The following SPIDR variants were observed in gnomAD, a reference collection of about 807,000 sequenced individuals.
SPIDR encodes the protein DNA repair-scaffolding protein.
SPIDR carries 93 observed loss-of-function variants against 104.6 expected under a neutral mutation model. That is an observed-to-expected ratio of 0.89 (90% CI 0.75 to 1.06). The LOEUF is 1.06. Among genes scored for constraint, SPIDR ranks in the 50% least tolerant of loss-of-function variants. The probability of loss-of-function intolerance (pLI) is 0.00; values close to 1 mark genes in which losing one functional copy is unlikely to be tolerated. For missense variants in SPIDR, 1,154 were observed against 1,111.2 expected (o/e 1.04, Z -0.55); for synonymous variants, 431 against 416.9 (o/e 1.03, Z -0.41).
chr8:47,575,226 C>T (rs1057262768), intron 8 of SPIDR, among the ~76,000 whole-genome samples: 5 of 152,162 alleles, frequency 3.3e-5, no homozygotes, highest in African/African-American at 4.8e-5. Context: ...AGGTGGTCCC[C>T]ACCATTCAGG....
chr8:47,623,856 G>T (rs1293909465), intron 10 of SPIDR, among the ~76,000 whole-genome samples: 3 of 152,138 alleles, frequency 2.0e-5, no homozygotes, highest in Non-Finnish European at 2.9e-5. Context: ...GGATATTCAG[G>T]AATTGAACTC....
intron 14 of SPIDR, among the ~76,000 whole-genome samples, chr8:47,705,071 C>T (rs2080883893): frequency 6.6e-6 from 1 of 152,154 alleles, no homozygotes; most frequent in African/African-American, 2.4e-5. Context: ...GTGGCAGTTG[C>T]AGCTAACACT....
chr8:47,667,770 T>C (rs1589010715), intron 10 of SPIDR: 2 of 152,282 alleles, frequency 1.3e-5, no homozygotes, highest in African/African-American at 4.8e-5. Context: ...GAAACATATA[T>C]GTGCTCACTT....
At chr8:47,294,173 T>A (rs2040426164) in intron 5 of SPIDR, 143 bp downstream of exon 5, 1 of 1,005,700 alleles carries the variant, frequency 9.9e-7, no homozygotes. Flanking sequence ...TGTTCTTTAC[T>A]CACTTATCTC....
chr8:47,589,022 G>GTTTTTTTTTTTTTTTTTTTTT (rs1168001066), intron 8 of SPIDR, among the ~76,000 whole-genome samples: 9 of 89,056 alleles, frequency 1.0e-4, no homozygotes, highest in Non-Finnish European at 1.4e-4. Context: ...TTTATAGTTT[G>GTTTTTTTTTTTTTTTTTTTTT]TTTTTTTTTT....
Position 47,713,638 on chromosome 8 carries a change from C to G in SPIDR, c.2338C>G (p.Gln780Glu), listed in dbSNP as rs200319364. The G allele has an allele frequency of 1.2e-6, 2 of 1,614,018 alleles. No homozygotes were observed. Among genetic ancestry groups the G allele is most frequent in the East Asian group, 2.2e-5 (1 of 44,886 alleles). Residue 780 changes from glutamine to glutamate, a missense_variant, in exon 16 of 20, where the codon CAA becomes GAA. Physicochemically the swap from Gln to Glu is conservative, Grantham distance 29. Coordinates refer to ENST00000297423, the MANE Select transcript of SPIDR (RefSeq NM_001080394.4). Reference protein sequence around the residue: ...ATPVNSICSVQGTVVGVDEST... With the variant: ...ATPVNSICSVEGTVVGVDEST... ...ACCTGTCAACTCCATCTGCAGTGTT[C>G]AAGGTAGGCAGCCATCTCACAGGAA...
intron 8 of SPIDR, among the ~76,000 whole-genome samples, chr8:47,481,194 A>T (rs570579658): frequency 6.6e-6 from 1 of 152,236 alleles, no homozygotes; most frequent in Non-Finnish European, 1.5e-5. Flanking sequence ...TATGACTGCT[A>T]TAAGGTGTAA....
At chr8:47,655,050 A>G (rs2072475597) in intron 10 of SPIDR, among the ~76,000 whole-genome samples, 1 of 152,216 alleles carries the variant, frequency 6.6e-6, no homozygotes, top group Non-Finnish European at 1.5e-5. Flanking sequence ...TACAAAGGAC[A>G]TAAACTCATC....
intron 8 of SPIDR, among the ~76,000 whole-genome samples, chr8:47,451,089 A>G (rs536130062): frequency 5.3e-5 from 8 of 152,246 alleles, no homozygotes; most frequent in Non-Finnish European, 1.2e-4. Context: ...AAATTGAGAT[A>G]TTGGAATTAT....
At chr8:47,465,673 T>C (rs1460756623) in intron 8 of SPIDR, among the ~76,000 whole-genome samples, 2 of 150,210 alleles carry the variant, frequency 1.3e-5, no homozygotes, top group Non-Finnish European at 3.0e-5. Context: ...GAGATGGAGG[T>C]TGCGCTGAGC....
chr8:47,393,929 T>C (rs1369683870), intron 5 of SPIDR, among the ~76,000 whole-genome samples: 2 of 151,300 alleles, frequency 1.3e-5, no homozygotes, highest in African/African-American at 4.9e-5. Context: ...CTGCTTCCTT[T>C]CTTCTCACTC....
chr8:47,355,711 G>T (rs2054406078), intron 5 of SPIDR, among the ~76,000 whole-genome samples: 1 of 152,114 alleles, frequency 6.6e-6, no homozygotes, highest in Non-Finnish European at 1.5e-5. Flanking sequence ...AAGTTCGAAT[G>T]GAAGTTACAT....
At chr8:47,642,004 G>A (rs1366835605) in intron 10 of SPIDR, among the ~76,000 whole-genome samples, 3 of 152,184 alleles carry the variant, frequency 2.0e-5, no homozygotes, top group Non-Finnish European at 4.4e-5. Flanking sequence ...TGGTATTCCA[G>A]CCAGAGTGGA....
At chr8:47,605,745 C>A (rs1394914596) in intron 10 of SPIDR, among the ~76,000 whole-genome samples, 3 of 152,136 alleles carry the variant, frequency 2.0e-5, no homozygotes, top group African/African-American at 7.2e-5. Context: ...GTGAAGTACT[C>A]AGCAGGATGC....
intron 8 of SPIDR, among the ~76,000 whole-genome samples, chr8:47,576,992 G>T (rs973008514): frequency 2.0e-5 from 3 of 152,280 alleles, no homozygotes; most frequent in Non-Finnish European, 4.4e-5. Flanking sequence ...GTGTAATGGT[G>T]AATTGGATGT....
intron 6 of SPIDR, among the ~76,000 whole-genome samples, chr8:47,407,113 C>A (rs554847776): frequency 1.3e-5 from 2 of 152,304 alleles, no homozygotes; most frequent in South Asian, 2.1e-4. Context: ...TTATAATTTA[C>A]ATACACCTAT....
At chr8:47,472,370 T>A (rs1426402274) in intron 8 of SPIDR, among the ~76,000 whole-genome samples, 1 of 152,198 alleles carries the variant, frequency 6.6e-6, no homozygotes, top group Non-Finnish European at 1.5e-5. Context: ...GGGTGGACAC[T>A]CTGTTGAGAC....
At chr8:47,491,531 C>CA (rs149542346) in intron 8 of SPIDR, among the ~76,000 whole-genome samples, 1,751 of 147,220 alleles carry the variant, frequency 0.012, 36 homozygotes, top group African/African-American at 0.04. Context: ...GAAAGAATTT[C>CA]AAAAAAAAAA....
intron 1 of SPIDR, among the ~76,000 whole-genome samples, chr8:47,276,153 G>A (rs2036388549): frequency 6.6e-6 from 1 of 152,186 alleles, no homozygotes; most frequent in Admixed American, 6.5e-5. Flanking sequence ...GAGCCACCAT[G>A]CCTTGCCTGT....
Sources: gnomAD v4.1 joint callset for allele counts (sites outside exome capture counted in the v4.1 genomes callset) on GRCh38, gnomAD v4.1.1 for gene constraint, MANE v1.5 for transcripts, NCBI Gene and HGNC (gene_info 2026-07-23, HGNC 2026-07-21) for gene names.